Variants in ZC3H6 observed in about 807,000 individuals in gnomAD.
ZC3H6 encodes zinc finger CCCH-type containing 6.
In ZC3H6, 40 loss-of-function variants were observed where a neutral mutation model predicts 107.7. The observed-to-expected ratio is 0.37, with a 90% CI of 0.29 to 0.48. The LOEUF (loss-of-function observed/expected upper bound fraction) is 0.48. Among genes scored for constraint, ZC3H6 ranks in the 20% least tolerant of loss-of-function variants. ZC3H6 has a pLI of 0.98. For missense variants in ZC3H6, 1,267 were observed against 1,410.4 expected, an observed-to-expected ratio of 0.90 and a Z score of 1.63; for synonymous variants, 493 against 487.9, an observed-to-expected ratio of 1.01 and a Z score of -0.14.
intron 1 of ZC3H6, among the ~76,000 whole-genome samples, chr2:112,296,983 A>T (rs1676251423): frequency 6.6e-6 from 1 of 152,170 alleles, no homozygotes; most frequent in Non-Finnish European, 1.5e-5. Flanking sequence ...CTGCATCCGA[A>T]ATACTGAATT....
rs1489156154 is a variant in ZC3H6, at chr2:112,275,826, AGTCTGT to A, written c.-159_-154del. ...TGGCGTGGTTGTTAATAGACTGGAA[AGTCTGT>A]GTCTGTGTCGCTCACTAGTAACCGT... On this transcript the variant is annotated 5_prime_UTR_variant, in exon 1 of 12. Coordinates refer to ENST00000409871, the MANE Select transcript of ZC3H6 (RefSeq NM_198581.3). 5.7e-6 allele frequency: 3 copies of A among 523,438 alleles called. No homozygotes were observed. Among genetic ancestry groups the A allele is most frequent in the African/African-American group, 2.0e-5 (1 of 49,192 alleles). The allele number at this position is 523,438 out of a possible 1,614,324, so 32.4% of individuals were successfully genotyped here.
chr2:112,313,760 A>T (rs1372304108), intron 5 of ZC3H6, among the ~76,000 whole-genome samples: 1 of 152,212 alleles, frequency 6.6e-6, no homozygotes, highest in Non-Finnish European at 1.5e-5. Flanking sequence ...CATCCAGAAT[A>T]GCATGAACAT....
chr2:112,332,556 G>GC lies in ZC3H6; in HGVS notation c.*68_*69insC. 6.9e-7 allele frequency: 1 copy of GC among 1,444,094 alleles called. No homozygotes were observed. Among genetic ancestry groups the GC allele is most frequent in the Non-Finnish European group, 9.3e-7 (1 of 1,071,136 alleles). 89.5% of individuals were successfully genotyped at this position (1,444,094 alleles called of 1,614,324 possible). On this transcript the variant is annotated 3_prime_UTR_variant, in exon 12 of 12. Coordinates refer to ENST00000409871, the MANE Select transcript of ZC3H6 (RefSeq NM_198581.3). The stretch of plus-strand genomic sequence containing the variant: ...TCAGTCCTCTGCTGTTTTGTAACTG[G>GC]TTTACCTCTATAGTTTATTTATTTT...
chr2:112,293,186 A>AT (rs1174398195), intron 1 of ZC3H6, among the ~76,000 whole-genome samples: 1 of 152,216 alleles, frequency 6.6e-6, no homozygotes, highest in African/African-American at 2.4e-5. Flanking sequence ...TCATAGGACT[A>AT]TGGAGGCCAT....
At chr2:112,306,463 G>A (rs1309404094) in intron 3 of ZC3H6, among the ~76,000 whole-genome samples, 4 of 152,092 alleles carry the variant, frequency 2.6e-5, no homozygotes, top group Non-Finnish European at 5.9e-5. Flanking sequence ...GTGAGCCACC[G>A]TGCACGGCCT....
chr2:112,325,424 G>A (rs1676889611), intron 11 of ZC3H6, among the ~76,000 whole-genome samples: 1 of 152,038 alleles, frequency 6.6e-6, no homozygotes, highest in South Asian at 2.1e-4. Flanking sequence ...AACTTGGGAG[G>A]CAGAGGTTGC....
chr2:112,281,218 C>T (rs1182281352), intron 1 of ZC3H6, among the ~76,000 whole-genome samples: 1 of 152,038 alleles, frequency 6.6e-6, no homozygotes, highest in Non-Finnish European at 1.5e-5. Context: ...AACATTTGAG[C>T]AAAGAGCCCT....
chr2:112,303,080 G>C, intron 2 of ZC3H6, 149 bp from the exon 3 acceptor site: 1 of 940,846 alleles, frequency 1.1e-6, no homozygotes, highest in Non-Finnish European at 1.5e-6. Context: ...GTGGCCTTTG[G>C]GGCAAGAATT....
intron 4 of ZC3H6, among the ~76,000 whole-genome samples, chr2:112,311,445 A>G (rs1253916696): frequency 6.6e-6 from 1 of 152,216 alleles, no homozygotes; most frequent in Non-Finnish European, 1.5e-5. Flanking sequence ...TTTGCTGCTA[A>G]TTAACCACTG....
intron 1 of ZC3H6, among the ~76,000 whole-genome samples, chr2:112,291,574 A>G (rs1475612375): frequency 1.3e-5 from 2 of 152,248 alleles, no homozygotes; most frequent in African/African-American, 2.4e-5. Flanking sequence ...GAATAATACA[A>G]ACACAACCAG....
chr2:112,317,123 A>G, intron 6 of ZC3H6, 98 bp from the exon 7 acceptor site: 1 of 636,824 alleles, frequency 1.6e-6, no homozygotes, highest in Non-Finnish European at 2.6e-6. Flanking sequence ...CCATAATTTT[A>G]CCATGAGACA....
Position 112,331,301 on chromosome 2 carries a change from C to A in ZC3H6, c.2383C>A (p.His795Asn). Residue 795 changes from histidine (H) to asparagine (N), a missense_variant, in exon 12 of 12, where the codon CAC becomes AAC. Physicochemically the swap from His to Asn is moderately conservative, Grantham distance 68 (BLOSUM62 1). This residue lies in a region of ZC3H6 where 925 missense variants were observed against 1,025.7 expected (regional missense o/e 0.90). Transcript: ENST00000409871. ...PRKLRGNGSGHIGSSVGGAKF... is the reference protein window; with the variant it reads ...PRKLRGNGSGNIGSSVGGAKF... ...GAAATTGAGAGGGAATGGAAGTGGTCACATAGGCTCTTCTGTTGGTGGAGC... is the reference window on the plus strand; with the variant it reads ...GAAATTGAGAGGGAATGGAAGTGGTAACATAGGCTCTTCTGTTGGTGGAGC... 2 of 1,613,606 alleles carry A rather than the reference C, an allele frequency of 1.2e-6. No homozygotes were observed. The highest frequency in any genetic ancestry group is 1.1e-5 in the South Asian group (1 of 91,080).
chr2:112,292,181 T>C (rs1040977851), intron 1 of ZC3H6, among the ~76,000 whole-genome samples: 20 of 152,134 alleles, frequency 1.3e-4, no homozygotes, highest in African/African-American at 1.9e-4. Context: ...GTCAACACTT[T>C]TGAGTGCACA....
rs535788371 is a variant in ZC3H6, at chr2:112,338,825, T to C, written c.*6337T>C. The C allele has an allele frequency of 1.7e-3, 143 of 85,502 alleles. 1 individual carries two copies. The highest frequency in any genetic ancestry group is 2.5e-3 in the Non-Finnish European group (119 of 47,228). The allele number at this position is 85,502 out of a possible 1,614,324, so 5.3% of individuals were successfully genotyped here. A position where few individuals can be genotyped will look rare whatever the true frequency, so the allele number is the denominator to read the frequency against. On this transcript the variant is annotated 3_prime_UTR_variant, in exon 12 of 12. Transcript: ENST00000409871. ...ACTAATATCTTGGGGTTGTCAATGA[T>C]AGACTATATATATATGTATGTATAT...
At chr2:112,302,054 T>C (rs2104706731) in intron 2 of ZC3H6, among the ~76,000 whole-genome samples, 1 of 152,126 alleles carries the variant, frequency 6.6e-6, no homozygotes, top group Non-Finnish European at 1.5e-5. Context: ...CTGAGACTTT[T>C]TGGAGTTTGT....
Position 112,333,743 on chromosome 2 carries a change from G to A in ZC3H6, c.*1255G>A, listed in dbSNP as rs1677082440. 6.6e-6 allele frequency: 1 copy of A among 152,072 alleles called. No homozygotes were observed. Among genetic ancestry groups the A allele is most frequent in the African/African-American group, 2.4e-5 (1 of 41,426 alleles). 9.4% of individuals were successfully genotyped at this position (152,072 alleles called of 1,614,324 possible). A position where few individuals can be genotyped will look rare whatever the true frequency, so the allele number is the denominator to read the frequency against. ...TTTTGAACTGCAGGTGTAGGACAGT[G>A]TTTGCTGGTAACAACTCCAATGTGT... On this transcript the variant is annotated 3_prime_UTR_variant, in exon 12 of 12. Coordinates refer to ENST00000409871, the MANE Select transcript of ZC3H6 (RefSeq NM_198581.3).
chr2:112,313,312 C>T (rs11903741), intron 5 of ZC3H6, among the ~76,000 whole-genome samples: 77,503 of 151,950 alleles, frequency 0.51, 21,959 homozygotes, highest in East Asian at 0.77. Context: ...ACCTGCCTGT[C>T]ATCTTCTTAG....
At chr2:112,280,037 A>G (rs1222298477) in intron 1 of ZC3H6, among the ~76,000 whole-genome samples, 1 of 152,190 alleles carries the variant, frequency 6.6e-6, no homozygotes. Flanking sequence ...CTGATCTTCT[A>G]ACTTGGGTTA....
chr2:112,299,276 C>A (rs1259104076), intron 1 of ZC3H6, among the ~76,000 whole-genome samples: 408 of 116,332 alleles, frequency 3.5e-3, no homozygotes, highest in South Asian at 4.2e-3. Flanking sequence ...GACTCCATCT[C>A]AAAAAAAAAA....
Sources: allele counts gnomAD v4.1 joint callset (sites outside exome capture counted in the v4.1 genomes callset), GRCh38; gene constraint gnomAD v4.1.1; regional missense constraint gnomAD v4.1.1; transcripts MANE v1.5; gene names NCBI Gene and HGNC (gene_info 2026-07-23, HGNC 2026-07-21).